The following NCAM1 variants were observed in gnomAD, a reference collection of about 807,000 sequenced individuals.
NCAM1 encodes the protein antigen recognized by monoclonal antibody 5.1H11.
NCAM1 carries 14 observed loss-of-function variants against 109.8 expected under a neutral mutation model. The observed-to-expected ratio is 0.13, with a 90% CI of 0.08 to 0.20. The LOEUF is 0.20. Ranked by LOEUF, NCAM1 falls within the 10% of genes least tolerant of loss-of-function variation. The pLI is 1.00. For missense variants in NCAM1, 774 were observed against 1,109.9 expected (o/e 0.70, Z 4.30); for synonymous variants, 418 against 442.9 (o/e 0.94, Z 0.70).
At chr11:112,961,890 C>A (rs538275712) in intron 1 of NCAM1, among the ~76,000 whole-genome samples, 2 of 152,240 alleles carry the variant, frequency 1.3e-5, no homozygotes, top group East Asian at 1.9e-4. Context: ...GCGCCCGGCG[C>A]CCCTCCGGCG....
chr11:113,191,429 CA>C (rs1335640044), intron 1 of NCAM1, among the ~76,000 whole-genome samples: 4 of 152,182 alleles, frequency 2.6e-5, no homozygotes, highest in African/African-American at 9.6e-5. Context: ...CCAGTTCACC[CA>C]GTAGAAAATC....
intron 1 of NCAM1, among the ~76,000 whole-genome samples, chr11:113,162,129 G>T (rs1176740789): frequency 1.3e-5 from 2 of 152,174 alleles, no homozygotes; most frequent in Non-Finnish European, 2.9e-5. Flanking sequence ...AGTTCCTTGG[G>T]GGGAGGAGCA....
At chr11:112,992,684 T>C (rs1951496102) in intron 1 of NCAM1, among the ~76,000 whole-genome samples, 1 of 151,916 alleles carries the variant, frequency 6.6e-6, no homozygotes, top group Admixed American at 6.6e-5. Flanking sequence ...TATTTTTGTA[T>C]TTTTAGTAGA....
chr11:113,183,630 AT>A (rs1335417481), intron 1 of NCAM1, among the ~76,000 whole-genome samples: 2 of 152,196 alleles, frequency 1.3e-5, no homozygotes, highest in African/African-American at 4.8e-5. Flanking sequence ...TGCTTGAGGC[AT>A]CTCGAAAATA....
chr11:113,270,016 C>A (rs1447485848), intron 17 of NCAM1, 172 bp from the exon 18 acceptor site: 5 of 645,178 alleles, frequency 7.7e-6, no homozygotes, highest in South Asian at 1.8e-5. Flanking sequence ...ATAGAAAGAC[C>A]CTGTTTTCTC....
chr11:113,009,075 C>T (rs982720827), intron 1 of NCAM1, among the ~76,000 whole-genome samples: 5 of 152,106 alleles, frequency 3.3e-5, no homozygotes, highest in Non-Finnish European at 7.3e-5. Flanking sequence ...GTTAGTTAGC[C>T]TGAGAAACTG....
chr11:112,964,483 A>C (rs1198685015), intron 1 of NCAM1, among the ~76,000 whole-genome samples: 1 of 152,236 alleles, frequency 6.6e-6, no homozygotes, highest in Non-Finnish European at 1.5e-5. Context: ...TGCAAGAGTC[A>C]AGGAATGGAT....
chr11:113,074,562 G>A (rs2135596071), intron 1 of NCAM1, among the ~76,000 whole-genome samples: 1 of 152,314 alleles, frequency 6.6e-6, no homozygotes, highest in East Asian at 1.9e-4. Flanking sequence ...GGTAACCCTT[G>A]TCACATGTGG....
chr11:112,990,503 G>A (rs1555070410), intron 1 of NCAM1, among the ~76,000 whole-genome samples: 2 of 152,108 alleles, frequency 1.3e-5, no homozygotes, highest in African/African-American at 2.4e-5. Context: ...GTGGGACTGA[G>A]GTCAGCAACC....
chr11:113,177,814 G>A (rs577883067), intron 1 of NCAM1, among the ~76,000 whole-genome samples: 1 of 152,200 alleles, frequency 6.6e-6, no homozygotes, highest in East Asian at 1.9e-4. Flanking sequence ...AGCCGCTGAG[G>A]TGGGACTGTC....
intron 1 of NCAM1, among the ~76,000 whole-genome samples, chr11:113,020,898 AG>A (rs1228747116): frequency 6.6e-6 from 1 of 152,116 alleles, no homozygotes; most frequent in Non-Finnish European, 1.5e-5. Flanking sequence ...CTGGGATTGC[AG>A]GCATGTGCCA....
chr11:113,060,591 T>C (rs1279709321), intron 1 of NCAM1, among the ~76,000 whole-genome samples: 2 of 152,250 alleles, frequency 1.3e-5, no homozygotes, highest in African/African-American at 4.8e-5. Flanking sequence ...TTTATAGTTC[T>C]AGAAAGGCTG....
Position 112,967,157 on chromosome 11 carries a change from G to A in NCAM1, c.52+5493G>A, listed in dbSNP as rs117147270. Among the ~76,000 whole-genome samples, 235 of 152,194 alleles carry A rather than the reference G, an allele frequency of 1.5e-3. 2 individuals carry two copies. The highest frequency in any genetic ancestry group is 2.8e-3 in the Non-Finnish European group (187 of 67,998). On this transcript the variant is annotated intron_variant, in intron 1 of 19. Coordinates refer to ENST00000316851, the MANE Select transcript of NCAM1 (RefSeq NM_181351.5). The stretch of plus-strand genomic sequence containing the variant: ...AAACATGGGTAACAGCTGATCTTCC[G>A]TTTTCTATTTGGCGTCATTCCTGAG...
chr11:112,992,536 C>G (rs1351340679), intron 1 of NCAM1, among the ~76,000 whole-genome samples: 3 of 144,472 alleles, frequency 2.1e-5, no homozygotes, highest in South Asian at 2.2e-4. Context: ...GAGTCTCACT[C>G]TGTTGCCCAG....
chr11:113,260,477 A>C (rs781783076), intron 17 of NCAM1, 154 bp downstream of exon 17: 5 of 798,202 alleles, frequency 6.3e-6, no homozygotes, highest in South Asian at 1.8e-5. Context: ...CCTTGTACCT[A>C]TCTGTGCAGT....
chr11:113,075,475 G>A (rs1938488716), intron 1 of NCAM1, among the ~76,000 whole-genome samples: 1 of 152,132 alleles, frequency 6.6e-6, no homozygotes, highest in African/African-American at 2.4e-5. Flanking sequence ...TCGGATGCCT[G>A]GTCACTGGCC....
chr11:112,978,608 A>G (rs1951069466), intron 1 of NCAM1, among the ~76,000 whole-genome samples: 1 of 151,882 alleles, frequency 6.6e-6, no homozygotes, highest in Non-Finnish European at 1.5e-5. Context: ...TCCTAGTTCT[A>G]GCTGGCAACA....
At chr11:113,243,729 C>T (rs141245679) in intron 14 of NCAM1, 34 of 324,432 alleles carry the variant, frequency 1.0e-4, no homozygotes, top group Middle Eastern at 8.3e-4. Flanking sequence ...TATAATATTT[C>T]TGCTTGCACA....
intron 1 of NCAM1, among the ~76,000 whole-genome samples, chr11:113,003,368 T>A (rs1951806887): frequency 6.6e-6 from 1 of 152,270 alleles, no homozygotes; most frequent in South Asian, 2.1e-4. Context: ...GTGCTCATGA[T>A]CAGCACTCTT....
Sources: gnomAD v4.1 joint callset for allele counts (sites outside exome capture counted in the v4.1 genomes callset) on GRCh38, gnomAD v4.1.1 for gene constraint, MANE v1.5 for transcripts, NCBI Gene and HGNC (gene_info 2026-07-23, HGNC 2026-07-21) for gene names.